NUP58: variants seen among roughly 807,000 people sequenced by gnomAD.
NUP58 encodes the protein nucleoporin p58/p45.
Under a neutral mutation model 70.1 loss-of-function variants are expected in NUP58, and 17 were observed. That is an observed-to-expected ratio of 0.24 (90% CI 0.17 to 0.36). NUP58 has a LOEUF of 0.36. NUP58 is among the 10% of genes least tolerant of loss of function. The probability of loss-of-function intolerance (pLI) is 1.00; values close to 1 mark genes in which losing one functional copy is unlikely to be tolerated. For synonymous variants in NUP58, 275 were observed against 257.6 expected (o/e 1.07, Z -0.65); for missense variants, 644 against 701.5 (o/e 0.92, Z 0.93).
chr13:25,317,748 C>T (rs1001138639), intron 6 of NUP58: 2 of 150,244 alleles, frequency 1.3e-5, no homozygotes, highest in African/African-American at 4.9e-5. Flanking sequence ...AGAAAAAAAT[C>T]TTAATAAAAT....
chr13:25,319,556 A>G (rs937374043), intron 7 of NUP58, among the ~76,000 whole-genome samples: 1 of 152,146 alleles, frequency 6.6e-6, no homozygotes, highest in African/African-American at 2.4e-5. Context: ...GTCATTAAGA[A>G]AATTTAAAAC....
At chr13:25,303,262 A>G (rs1185291289) in intron 1 of NUP58, 1 of 373,358 alleles carries the variant, frequency 2.7e-6, no homozygotes, top group Non-Finnish European at 5.1e-6. Context: ...TGCAAGGTCC[A>G]CTTCTGCTGG....
chr13:25,308,696 G>A (rs938570521), intron 2 of NUP58, among the ~76,000 whole-genome samples: 1 of 152,134 alleles, frequency 6.6e-6, no homozygotes, highest in Non-Finnish European at 1.5e-5. Context: ...GGACTTGAAG[G>A]TTTCAAAACA....
intron 13 of NUP58, chr13:25,334,610 T>C (rs1480016084): frequency 1.0e-6 from 1 of 983,336 alleles, no homozygotes; most frequent in Non-Finnish European, 1.2e-6. Context: ...CATTTTAGGT[T>C]TTTTAAAGAA....
chr13:25,333,086 A>G, intron 13 of NUP58: 2 of 985,338 alleles, frequency 2.0e-6, no homozygotes, highest in Non-Finnish European at 2.4e-6. Flanking sequence ...ATTCTATGAT[A>G]AATACCTAAA....
In NUP58 at chr13:25,313,695, G is replaced by C; in HGVS notation, c.518G>C (p.Gly173Ala). The C allele has an allele frequency of 6.5e-7, 1 of 1,531,920 alleles. No homozygotes were observed. Among genetic ancestry groups the C allele is most frequent in the South Asian group, 1.3e-5 (1 of 76,016 alleles). 94.9% of individuals were successfully genotyped at this position (1,531,920 alleles called of 1,614,324 possible). Residue 173 changes from glycine (G) to alanine (A), a missense_variant, in exon 5 of 16, where the codon GGA becomes GCA. Physicochemically the swap from Gly to Ala is moderately conservative, Grantham distance 60. Around this residue, in one of 4 missense-constraint regions of NUP58, gnomAD observed 430 missense variants for 409.2 expected, o/e 1.05. Transcript: ENST00000381736. ...GCATCAACAGGCCTCTCTTTAGGGG[G>C]AGCCTTAGCTGGTTTGGGAGGTTCA... ...TTASTGLSLG[G>A]ALAGLGGSLF...
chr13:25,317,197 C>T (rs1045248427), intron 6 of NUP58, among the ~76,000 whole-genome samples: 2 of 152,000 alleles, frequency 1.3e-5, no homozygotes, highest in Non-Finnish European at 2.9e-5. Flanking sequence ...GGACCTTGAC[C>T]CTTTTGAGGA....
At chr13:25,334,324 A>G (rs2031710614) in intron 13 of NUP58, 3 of 985,244 alleles carry the variant, frequency 3.0e-6, no homozygotes, top group South Asian at 4.7e-5. Context: ...GAGTTTTGCT[A>G]TTGTGTTTTG....
At chr13:25,312,020 G>A (rs997143940) in intron 3 of NUP58, among the ~76,000 whole-genome samples, 31 of 152,224 alleles carry the variant, frequency 2.0e-4, no homozygotes, top group East Asian at 1.4e-3. Flanking sequence ...TGAGGACTTA[G>A]GTAAATGTCA....
At chr13:25,348,028 G>A (rs1257418955) in intron 3 of NUP58, among the ~76,000 whole-genome samples, 1 of 152,172 alleles carries the variant, frequency 6.6e-6, no homozygotes, top group Non-Finnish European at 1.5e-5. Context: ...CTGGCAAGTC[G>A]TTCTCCCTTG....
rs747298683 is a variant in NUP58, at chr13:25,301,753, G to A, written c.-21G>A. ...CCCAGACCCATTTCGCCTTGCTGAC[G>A]GCGTCGAGCCCTGGCCAGACATGTC... On this transcript the variant is annotated 5_prime_UTR_variant, in exon 1 of 16. Transcript: ENST00000381736. The A allele has an allele frequency of 2.6e-6, 4 of 1,537,544 alleles. No individual in the cohort carries two copies. Among genetic ancestry groups the A allele is most frequent in the Non-Finnish European group, 3.6e-6 (4 of 1,123,168 alleles).
At chr13:25,330,090 AG>A (rs2031550902) in intron 12 of NUP58, among the ~76,000 whole-genome samples, 1 of 152,234 alleles carries the variant, frequency 6.6e-6, no homozygotes, top group Middle Eastern at 3.4e-3. Flanking sequence ...GACCTCCCTA[AG>A]GGCTGGGATT....
intron 4 of NUP58, 64 bp downstream of exon 4, chr13:25,313,096 CATAG>C (rs1449678707): frequency 1.8e-5 from 28 of 1,514,622 alleles, no homozygotes; most frequent in African/African-American, 1.4e-4. Context: ...GGTTAGAGAA[CATAG>C]ATAGTCACCT....
At position 25,340,017 on chromosome 13, in the gene NUP58, G is replaced by A. The variant is rs375710924; in HGVS notation, c.1683G>A (p.Thr561=). 1.7e-5 allele frequency: 28 copies of A among 1,612,732 alleles called. No individual in the cohort carries two copies. Among genetic ancestry groups the A allele is most frequent in the Admixed American group, 5.0e-5 (3 of 59,796 alleles). The change falls in exon 16 of 16, where the codon ACG becomes ACA. Residue 561 remains threonine, a synonymous_variant. Coordinates refer to ENST00000381736, the MANE Select transcript of NUP58 (RefSeq NM_014089.4). ...TTAACTTCAGCAATCCTGGCATCAC[G>A]GCATCAGCTGGTTTGACTTTTGGGG... The part of the protein sequence containing the change: ...SGFNFSNPGI[T]ASAGLTFGVS...
intron 13 of NUP58, chr13:25,332,768 G>A (rs1444292919): frequency 6.1e-6 from 6 of 985,290 alleles, no homozygotes; most frequent in Middle Eastern, 5.2e-4. Context: ...CTCTCTAGCT[G>A]GCTGGAGTGT....
chr13:25,302,199 A>T (rs2030051985), intron 1 of NUP58, among the ~76,000 whole-genome samples: 1 of 152,244 alleles, frequency 6.6e-6, no homozygotes, highest in African/African-American at 2.4e-5. Context: ...AGCTTTAGCG[A>T]TGTGTCAGTC....
At chr13:25,343,213 A>C (rs1020805149), downstream of NUP58, among the ~76,000 whole-genome samples, 1 of 151,884 alleles carries the variant, frequency 6.6e-6, no homozygotes, top group African/African-American at 2.4e-5. Context: ...CCATTGTATC[A>C]TTCTTAATGC....
intron 3 of NUP58, chr13:25,349,534 T>G (rs2032083751): frequency 6.6e-6 from 1 of 152,660 alleles, no homozygotes; most frequent in Non-Finnish European, 1.5e-5. Flanking sequence ...ATTGTCATAA[T>G]ACAGTCTAAA....
intron 6 of NUP58, chr13:25,317,695 T>A (rs1410453716): frequency 1.3e-5 from 2 of 151,900 alleles, no homozygotes; most frequent in East Asian, 1.9e-4. Context: ...ATCTAGGACG[T>A]CTATAGAAGA....
Sources: gnomAD v4.1 joint callset for allele counts (sites outside exome capture counted in the v4.1 genomes callset) on GRCh38, gnomAD v4.1.1 for gene constraint, gnomAD v4.1.1 regional missense constraint, MANE v1.5 for transcripts, NCBI Gene and HGNC (gene_info 2026-07-23, HGNC 2026-07-21) for gene names.